The following SARDH variants were observed in gnomAD, a reference collection of about 807,000 sequenced individuals.
The protein encoded by SARDH is sarcosine dehydrogenase, mitochondrial.
SARDH carries 95 observed loss-of-function variants against 109.1 expected under a neutral mutation model. The ratio of observed to expected loss-of-function variants is 0.87; its 90% CI spans 0.74 to 1.03. SARDH has a LOEUF of 1.03. Among genes scored for constraint, SARDH ranks in the 50% least tolerant of loss-of-function variants. The pLI, the probability that SARDH is intolerant of heterozygous loss-of-function variation, is 0.00. For synonymous variants in SARDH, 572 were observed against 534.8 expected (o/e 1.07, Z -0.96); for missense variants, 1,267 against 1,287.8 (o/e 0.98, Z 0.25).
chr9:133,697,807 A>G (rs1831336204), intron 13 of SARDH, among the ~76,000 whole-genome samples: 1 of 152,052 alleles, frequency 6.6e-6, no homozygotes, highest in Admixed American at 6.5e-5. Context: ...CATTGCAAAC[A>G]TTATACTTCA....
At chr9:133,670,933 G>A (rs564872972) in intron 18 of SARDH, among the ~76,000 whole-genome samples, 181 bp from the exon 19 acceptor site, 54 of 152,154 alleles carry the variant, frequency 3.5e-4, no homozygotes, top group African/African-American at 1.1e-3. Flanking sequence ...TGGGGCGACC[G>A]CTCCCCCGAG....
At position 133,694,234 on chromosome 9, in the gene SARDH, C is replaced by A. The variant is rs1209141446; in HGVS notation, c.1921+24G>T. ...ACAGAGCAGGCCGCAGTCACAGCGC[C>A]GTGTGCACAGAGGCATCCCATACCT... is the stretch of plus-strand genomic sequence containing the variant. On this transcript the variant is annotated intron_variant, in intron 15 of 20. Coordinates refer to ENST00000439388, the MANE Select transcript of SARDH (RefSeq NM_001134707.2). 2.0e-6 allele frequency: 3 copies of A among 1,503,490 alleles called. No homozygotes were observed. In the East Asian group the frequency reaches 7.4e-5, roughly 37 times the overall value. 93.1% of individuals were successfully genotyped at this position (1,503,490 alleles called of 1,614,324 possible).
At chr9:133,675,052 T>C (rs1830469810) in intron 17 of SARDH, among the ~76,000 whole-genome samples, 1 of 152,100 alleles carries the variant, frequency 6.6e-6, no homozygotes, top group South Asian at 2.1e-4. Flanking sequence ...CCATTAAAAA[T>C]GGGCAAAGGG....
chr9:133,732,394 C>CCCAGA, intron 3 of SARDH, 29 bp downstream of exon 3: 1 of 1,548,738 alleles, frequency 6.5e-7, no homozygotes, highest in Non-Finnish European at 8.8e-7. Flanking sequence ...CCAAGCCCCC[C>CCCAGA]TCCTTGCCCC....
intron 4 of SARDH, among the ~76,000 whole-genome samples, chr9:133,730,665 TG>T (rs1350062795): frequency 4.6e-5 from 7 of 152,092 alleles, no homozygotes; most frequent in Non-Finnish European, 8.8e-5. Context: ...ACTTCTTTTT[TG>T]CTTATTTGTC....
In SARDH at chr9:133,690,578, G is replaced by A. The variant is rs746010369; in HGVS notation, c.1922-51C>T. 4.4e-6 allele frequency: 7 copies of A among 1,576,000 alleles called. No individual in the cohort carries two copies. The Admixed American group carries it at 1.0e-4, about 23-fold the overall frequency. On this transcript the variant is annotated intron_variant, in intron 15 of 20. Transcript: ENST00000439388. Reference sequence around the variant, plus strand: ...AGCAGGATTTCAGGGCCTGGGAGGTGGGGACAGAGAGGGTGGCCCAAGGGT... The same window carrying A: ...AGCAGGATTTCAGGGCCTGGGAGGTAGGGACAGAGAGGGTGGCCCAAGGGT...
chr9:133,729,819 C>T lies in SARDH; in HGVS notation c.861G>A (p.Pro287=), dbSNP rs774569469. 4.0e-5 allele frequency: 65 copies of T among 1,612,568 alleles called. No individual in the cohort carries two copies. The highest frequency in any genetic ancestry group is 1.7e-4 in the African/African-American group (13 of 75,052). Residue 287 remains proline, a synonymous_variant, in exon 6 of 21, where the codon CCG becomes CCA. Transcript: ENST00000439388. The stretch of plus-strand genomic sequence containing the variant: ...CATAGGCATGGTGCATGGCCACCAG[C>T]GGGACCTTGACTCCAGCCATCCGGC... ...AVGRMAGVKV[P]LVAMHHAYVV... is the part of the protein sequence containing the mutation.
chr9:133,695,438 G>A (rs764366535), intron 14 of SARDH, among the ~76,000 whole-genome samples: 36 of 152,174 alleles, frequency 2.4e-4, no homozygotes, highest in Admixed American at 5.9e-4. Context: ...GCGAGACTCC[G>A]TCTCAAAACA....
Position 133,720,867 on chromosome 9 carries a change from G to A in SARDH, c.916-1825C>T, listed in dbSNP as rs181240483. ...GAGTGACAGACAGTGCTATGAGAAA[G>A]GAATCTAAGATGAAGAAAGAGGTCT... On this transcript the variant is annotated intron_variant, in intron 6 of 20. Coordinates refer to ENST00000439388, the MANE Select transcript of SARDH (RefSeq NM_001134707.2). 1.8e-3 allele frequency among the ~76,000 whole-genome samples: 275 copies of A among 152,218 alleles called. 2 individuals are homozygous for A. Among genetic ancestry groups the A allele is most frequent in the African/African-American group, 6.3e-3 (261 of 41,520 alleles).
chr9:133,669,949 C>A (rs1007729541), intron 19 of SARDH, among the ~76,000 whole-genome samples: 1 of 152,234 alleles, frequency 6.6e-6, no homozygotes, highest in African/African-American at 2.4e-5. Context: ...TTGAGACCTG[C>A]ATGGGAAGAG....
chr9:133,674,267 C>A (rs563159556), intron 17 of SARDH, among the ~76,000 whole-genome samples: 2 of 152,264 alleles, frequency 1.3e-5, no homozygotes, highest in Non-Finnish European at 2.9e-5. Flanking sequence ...CAGCGTCTCC[C>A]AGCGCCCATG....
intron 6 of SARDH, chr9:133,725,437 C>A: frequency 2.9e-6 from 1 of 345,828 alleles, no homozygotes; most frequent in Non-Finnish European, 5.8e-6. Flanking sequence ...CTTTGGAAGT[C>A]CGAGATGGGT....
At chr9:133,669,736 G>A (rs118108519) in intron 19 of SARDH, among the ~76,000 whole-genome samples, 2,025 of 152,282 alleles carry the variant, frequency 0.013, 38 homozygotes, top group South Asian at 0.1. Context: ...GGCACCATGT[G>A]GTCTCCATTC....
chr9:133,674,518 C>T (rs575311435), intron 17 of SARDH, among the ~76,000 whole-genome samples: 11 of 152,290 alleles, frequency 7.2e-5, no homozygotes, highest in African/African-American at 2.4e-4. Context: ...CCTGAAAATT[C>T]CATGCCAAAA....
rs1347181056 is a variant in SARDH at position 133,709,682 on chromosome 9, C to T, written c.1329-1254G>A. ...TGATATTATCATTAACAGCTGCTGT[C>T]GCTTATGGCACCCAGCTCCAGTGCA... On this transcript the variant is annotated intron_variant, in intron 10 of 20. Transcript: ENST00000439388. This position sits in a 1 kb window ranked among gnomAD's most constrained non-coding sequence, Gnocchi z 4.2. Among the ~76,000 whole-genome samples, 2 of 152,110 alleles carry T rather than the reference C, an allele frequency of 1.3e-5. No homozygotes were observed. The highest frequency in any genetic ancestry group is 6.5e-5 in the Admixed American group (1 of 15,286).
chr9:133,670,237 G>A (rs1360435680), intron 19 of SARDH, among the ~76,000 whole-genome samples: 1 of 151,768 alleles, frequency 6.6e-6, no homozygotes, highest in Non-Finnish European at 1.5e-5. Flanking sequence ...GCTGAGGCAG[G>A]AGAATCACTT....
intron 20 of SARDH, among the ~76,000 whole-genome samples, chr9:133,665,797 A>G (rs1055579087): frequency 1.3e-5 from 2 of 152,044 alleles, no homozygotes; most frequent in Non-Finnish European, 2.9e-5. Flanking sequence ...ACCCCTCCTC[A>G]TGGCTTCTCC....
intron 1 of SARDH, among the ~76,000 whole-genome samples, chr9:133,736,025 A>G (rs1832873269): frequency 6.7e-6 from 1 of 148,544 alleles, no homozygotes; most frequent in South Asian, 2.1e-4. Context: ...GGGCAACAAG[A>G]GTGAAACTCC....
In SARDH at chr9:133,712,881, G is replaced by A; in HGVS notation, c.1237+157C>T. 11 of 938,754 alleles carry A rather than the reference G, an allele frequency of 1.2e-5. No homozygotes were observed. The South Asian group carries it at 1.5e-4, about 13-fold the overall frequency. The allele number at this position is 938,754 out of a possible 1,614,324, so 58.2% of individuals were successfully genotyped here. A position where few individuals can be genotyped will look rare whatever the true frequency, so the allele number is the denominator to read the frequency against. ...GCTGCTGGACTGGACCCTGGCACAG[G>A]TGCACTCTCTGGGAAGCAGAAGGGG... On this transcript the variant is annotated intron_variant, in intron 9 of 20. Coordinates refer to ENST00000439388, the MANE Select transcript of SARDH (RefSeq NM_001134707.2). The surrounding 1 kb of genome is among the most constrained non-coding windows in gnomAD (Gnocchi z 4.1).
Sources: allele counts gnomAD v4.1 joint callset (sites outside exome capture counted in the v4.1 genomes callset), GRCh38; gene constraint gnomAD v4.1.1; non-coding constraint Gnocchi (gnomAD v3.1); transcripts MANE v1.5; gene names NCBI Gene and HGNC (gene_info 2026-07-23, HGNC 2026-07-21).